The following DHX15 variants were observed in gnomAD, a reference collection of about 807,000 sequenced individuals.
DHX15 encodes DEAH-box helicase 15.
Under a neutral mutation model 94.4 loss-of-function variants are expected in DHX15, and 11 were observed. The observed-to-expected ratio is 0.12, with a 90% CI of 0.07 to 0.19. The LOEUF is 0.19. DHX15 is among the 10% of genes least tolerant of loss of function. The pLI, the probability that DHX15 is intolerant of heterozygous loss-of-function variation, is 1.00. For synonymous variants in DHX15, 338 were observed against 329.9 expected (o/e 1.02, Z -0.27); for missense variants, 304 against 988.5 (o/e 0.31, Z 9.29).
rs1560765899 is a variant in DHX15 at position 24,547,931 on chromosome 4, ATATATATATAT to A, written c.1248+913_1248+923del. Among the ~76,000 whole-genome samples the A allele has an allele frequency of 3.9e-3, 143 of 36,322 alleles. 3 individuals are homozygous for A. Among genetic ancestry groups the A allele is most frequent in the Middle Eastern group, 0.025 (2 of 80 alleles). 23.8% of individuals were successfully genotyped at this position (36,322 alleles called of 152,430 possible). A position where few individuals can be genotyped will look rare whatever the true frequency, so the allele number is the denominator to read the frequency against. On this transcript the variant is annotated intron_variant, in intron 6 of 13. Transcript: ENST00000336812. The stretch of plus-strand genomic sequence containing the variant: ...TATATATATATATATATATATATAT[ATATATATATAT>A]CTATATCTATATCTATATCTATCTG...
intron 1 of DHX15, among the ~76,000 whole-genome samples, chr4:24,583,447 T>G (rs1002021860): frequency 6.6e-6 from 1 of 150,704 alleles, no homozygotes; most frequent in African/African-American, 2.4e-5. Context: ...TGAAGAAAAG[T>G]GGGACATGCA....
At chr4:24,547,586 A>C (rs1032035224) in intron 6 of DHX15, among the ~76,000 whole-genome samples, 1 of 152,144 alleles carries the variant, frequency 6.6e-6, no homozygotes, top group African/African-American at 2.4e-5. Flanking sequence ...ATGGTAAACA[A>C]ACACAACGTT....
At chr4:24,557,837 T>A (rs1156535375) in intron 3 of DHX15, among the ~76,000 whole-genome samples, 1 of 152,124 alleles carries the variant, frequency 6.6e-6, no homozygotes, top group African/African-American at 2.4e-5. Context: ...TTTGGTAATT[T>A]TTCCTGTCTT....
chr4:24,528,462 T>C (rs576968910), intron 13 of DHX15, among the ~76,000 whole-genome samples: 1 of 152,220 alleles, frequency 6.6e-6, no homozygotes, highest in Non-Finnish European at 1.5e-5. Context: ...TGTAACTCTA[T>C]ACCCCCAAAA....
At chr4:24,567,410 C>T (rs989458723) in intron 3 of DHX15, among the ~76,000 whole-genome samples, 1 of 151,380 alleles carries the variant, frequency 6.6e-6, no homozygotes, top group African/African-American at 2.4e-5. Context: ...AACCCCGTCT[C>T]TACTAAAAAT....
At chr4:24,561,754 C>T (rs573923784) in intron 3 of DHX15, among the ~76,000 whole-genome samples, 3 of 152,018 alleles carry the variant, frequency 2.0e-5, no homozygotes, top group South Asian at 4.2e-4. Context: ...AATATGCACA[C>T]AAAGAAAGGA....
chr4:24,558,517 T>C (rs1349282704), intron 3 of DHX15, among the ~76,000 whole-genome samples: 2 of 152,136 alleles, frequency 1.3e-5, no homozygotes, highest in South Asian at 2.1e-4. Flanking sequence ...ATAAATATTA[T>C]AAATTAGATT....
chr4:24,569,321 A>G (rs973580194), intron 3 of DHX15, among the ~76,000 whole-genome samples: 9 of 152,156 alleles, frequency 5.9e-5, no homozygotes, highest in African/African-American at 2.2e-4. Context: ...GGCTGGGTGT[A>G]GTGGCTCACG....
intron 1 of DHX15, among the ~76,000 whole-genome samples, chr4:24,579,783 T>C (rs1560777748): frequency 6.6e-6 from 1 of 152,206 alleles, no homozygotes; most frequent in Non-Finnish European, 1.5e-5. Flanking sequence ...TACTATTATT[T>C]TGAGACGGAG....
At chr4:24,528,994 C>T (rs1421689321) in intron 13 of DHX15, among the ~76,000 whole-genome samples, 4 of 143,116 alleles carry the variant, frequency 2.8e-5, no homozygotes, top group Admixed American at 1.4e-4. Flanking sequence ...CAAAGAAACT[C>T]TAAAAATTAA....
intron 5 of DHX15, among the ~76,000 whole-genome samples, chr4:24,554,277 A>G (rs1025274025): frequency 2.6e-5 from 4 of 152,240 alleles, no homozygotes; most frequent in Non-Finnish European, 1.5e-5. Flanking sequence ...AATTCTAACT[A>G]AGAACTTTTA....
rs1179637148 is a variant in DHX15 at position 24,548,934 on chromosome 4, GA to G, written c.1168del (p.Ser390LeufsTer28). On this transcript the variant is annotated frameshift_variant, in exon 6 of 14. Coordinates refer to ENST00000336812, the MANE Select transcript of DHX15 (RefSeq NM_001358.3). LOFTEE classifies it high-confidence loss of function. ...VGDIKIIPLY[S>X]TLPPQQQQRI... The stretch of plus-strand genomic sequence containing the variant: ...TTGCTGCTGCTGAGGTGGAAGTGTA[GA>G]ATACAATGGAATGATTTTAATGTCA... The G allele has an allele frequency of 6.2e-7, 1 of 1,613,630 alleles. No individual in the cohort carries two copies. Among genetic ancestry groups the G allele is most frequent in the Admixed American group, 1.7e-5 (1 of 59,988 alleles).
intron 12 of DHX15, 58 bp downstream of exon 12, chr4:24,532,806 T>G: frequency 7.6e-7 from 1 of 1,324,342 alleles, no homozygotes; most frequent in South Asian, 1.5e-5. Flanking sequence ...AAAGGACTGT[T>G]AATAGAAATC....
rs910994756 is a variant in DHX15 at position 24,540,806 on chromosome 4, A to G, written c.1594+34T>C. On this transcript the variant is annotated intron_variant, in intron 9 of 13. Coordinates refer to ENST00000336812, the MANE Select transcript of DHX15 (RefSeq NM_001358.3). ...ACACTAAGAGTCAATTTTGGTTAAA[A>G]GATCTGATAAAAATGTGTTTTGATA... 1.6e-6 allele frequency: 2 copies of G among 1,238,656 alleles called. 1 individual carries two copies. The highest frequency in any genetic ancestry group is 2.3e-6 in the Non-Finnish European group (2 of 859,776). 76.7% of individuals were successfully genotyped at this position (1,238,656 alleles called of 1,614,324 possible).
intron 6 of DHX15, among the ~76,000 whole-genome samples, chr4:24,544,553 A>G (rs1045127315): frequency 3.3e-5 from 5 of 152,222 alleles, no homozygotes; most frequent in Admixed American, 6.5e-5. Flanking sequence ...TGAAGCAAAC[A>G]ACGACATACA....
intron 1 of DHX15, among the ~76,000 whole-genome samples, chr4:24,578,115 A>G (rs186925856): frequency 5.9e-5 from 9 of 152,372 alleles, no homozygotes; most frequent in African/African-American, 2.2e-4. Context: ...CACAGAGCAT[A>G]CAAGCCAGAA....
At chr4:24,535,792 C>G (rs1721185633) in intron 11 of DHX15, among the ~76,000 whole-genome samples, 1 of 152,152 alleles carries the variant, frequency 6.6e-6, no homozygotes, top group Admixed American at 6.6e-5. Flanking sequence ...ACCATCACCC[C>G]TACAGAGATG....
At chr4:24,583,761 G>C (rs984441594) in intron 1 of DHX15, among the ~76,000 whole-genome samples, 2 of 151,220 alleles carry the variant, frequency 1.3e-5, no homozygotes, top group South Asian at 2.1e-4. Context: ...CTCCCTATTT[G>C]CTGGCTTCTC....
intron 12 of DHX15, among the ~76,000 whole-genome samples, chr4:24,531,278 C>T (rs1018477547): frequency 3.1e-4 from 47 of 151,988 alleles, no homozygotes; most frequent in East Asian, 1.8e-3. Context: ...TTAGTAGAGA[C>T]GGGGTTTCAC....
Sources: allele counts gnomAD v4.1 joint callset (sites outside exome capture counted in the v4.1 genomes callset), GRCh38; gene constraint gnomAD v4.1.1; transcripts MANE v1.5; gene names NCBI Gene and HGNC (gene_info 2026-07-23, HGNC 2026-07-21).